Variants in ZMYM3 observed in about 807,000 individuals in gnomAD.
The protein encoded by ZMYM3 is zinc finger MYM-type containing 3.
Under a neutral mutation model 94.2 loss-of-function variants are expected in ZMYM3, and 6 were observed. That is an observed-to-expected ratio of 0.06 (90% CI 0.03 to 0.13). The LOEUF (loss-of-function observed/expected upper bound fraction) is 0.13, where lower values mean the gene tolerates loss of function less well. ZMYM3 is among the 10% of genes least tolerant of loss of function. ZMYM3 has a pLI of 1.00. For missense variants in ZMYM3, 664 were observed against 1,132.6 expected (o/e 0.59, Z 5.94); for synonymous variants, 420 against 426.5 (o/e 0.98, Z 0.19).
chrX:71,250,883 C>T, intron 4 of ZMYM3, among the ~76,000 whole-genome samples, 157 bp from the exon 5 acceptor site: 1 of 111,662 alleles, frequency 9.0e-6, no homozygotes. Flanking sequence ...TGGTGTCTCT[C>T]TCCCTTGGTT....
chrX:71,253,312 G>A (rs924486249), intron 1 of ZMYM3, 38 bp from the exon 2 acceptor site: 10 of 1,042,905 alleles, frequency 9.6e-6, no homozygotes, highest in Non-Finnish European at 1.3e-5. Context: ...AGTAGAGGTG[G>A]TCTTAGCCTG....
intron 15 of ZMYM3, 59 bp from the exon 16 acceptor site, chrX:71,246,157 C>A (rs905474506): frequency 2.6e-5 from 29 of 1,128,926 alleles, no homozygotes; most frequent in Middle Eastern, 4.9e-4. Context: ...ATCTGACCCA[C>A]CAAAAGCTCT....
intron 2 of ZMYM3, 103 bp downstream of exon 2, chrX:71,252,486 C>G (rs2030530776): frequency 4.7e-6 from 4 of 859,814 alleles, no homozygotes; most frequent in South Asian, 6.2e-5. Flanking sequence ...CTACACTTAT[C>G]TCTCCACCCT....
chrX:71,240,092 A>G lies in ZMYM3; in HGVS notation c.*824T>C, dbSNP rs1333086534. 1.8e-5 allele frequency: 2 copies of G among 112,044 alleles called. No homozygotes were observed. The highest frequency in any genetic ancestry group is 1.9e-4 in the Admixed American group (2 of 10,510). 9.2% of individuals were successfully genotyped at this position (112,044 alleles called of 1,213,427 possible). A position where few individuals can be genotyped will look rare whatever the true frequency, so the allele number is the denominator to read the frequency against. Reference sequence around the variant, plus strand: ...AGTTTTTGCCTTGGGAGGTCTGTCCATTGAACTAAAGGGAGGCAGTTACAG... The same window carrying G: ...AGTTTTTGCCTTGGGAGGTCTGTCCGTTGAACTAAAGGGAGGCAGTTACAG... On this transcript the variant is annotated 3_prime_UTR_variant, in exon 25 of 25. Coordinates refer to ENST00000314425, the MANE Select transcript of ZMYM3 (RefSeq NM_201599.3).
At chrX:71,247,662 C>T in intron 12 of ZMYM3, 72 bp downstream of exon 12, 11 of 1,161,498 alleles carry the variant, frequency 9.5e-6, no homozygotes, top group Middle Eastern at 3.3e-4. Context: ...GTCCACACCC[C>T]GAGCTCAGTA....
Position 71,247,459 on chromosome X carries a change from G to C in ZMYM3, c.2200C>G (p.His734Asp). 8.3e-7 allele frequency: 1 copy of C among 1,211,585 alleles called. No homozygotes were observed. The change falls in exon 13 of 25, where the codon CAC (histidine) becomes GAC (aspartate). Residue 734 changes from histidine to aspartate, a missense_variant. By Grantham distance (81) the His-to-Asp change is moderately conservative (BLOSUM62 -1). Around this residue, in one of 9 missense-constraint regions of ZMYM3, gnomAD observed 159 missense variants for 313.0 expected, o/e 0.51. Coordinates refer to ENST00000314425, the MANE Select transcript of ZMYM3 (RefSeq NM_201599.3). Reference sequence around the variant, plus strand: ...AAATGACGGATCTGCCCACGCCAGTGGATGGTCTCCAGCAGCTTCCCCTGG... The same window carrying C: ...AAATGACGGATCTGCCCACGCCAGTCGATGGTCTCCAGCAGCTTCCCCTGG... ...KRQGKLLETI[H>D]WRGQIRHFCN...
At position 71,239,900 on chromosome X, in the gene ZMYM3, AAG is replaced by A. The variant is rs2029887361; in HGVS notation, c.*1014_*1015del. ...CTGGGACCTCCAATGCAAGATGGGG[AAG>A]AGAGAAGATGTAGGCAGTGGCGGCA... On this transcript the variant is annotated 3_prime_UTR_variant, in exon 25 of 25. Transcript: ENST00000314425. 8.9e-6 allele frequency: 1 copy of A among 112,850 alleles called. No individual in the cohort carries two copies. The highest frequency in any genetic ancestry group is 1.9e-5 in the Non-Finnish European group (1 of 53,285). The allele number at this position is 112,850 out of a possible 1,213,427, so 9.3% of individuals were successfully genotyped here.
In ZMYM3 at chrX:71,244,774, G is replaced by A; in HGVS notation, c.3111+16C>T. ...CCTCCATTCTTCTTTTGTACATACA[G>A]TAGCCCCAGCCCTACCTTCCTCATG... On this transcript the variant is annotated intron_variant, in intron 19 of 24. Coordinates refer to ENST00000314425, the MANE Select transcript of ZMYM3 (RefSeq NM_201599.3). 1 of 1,177,712 alleles carries A rather than the reference G, an allele frequency of 8.5e-7. No individual in the cohort carries two copies. Among genetic ancestry groups the A allele is most frequent in the African/African-American group, 1.7e-5 (1 of 57,145 alleles).
At chrX:71,254,717 T>G (rs5981095), upstream of ZMYM3, 8,800 of 108,847 alleles carry the variant, frequency 0.081, 798 homozygotes, top group African/African-American at 0.27. Flanking sequence ...CCTCTCCGGG[T>G]CCCGCCCCCT....
rs776253265 is a variant in ZMYM3 at position 71,253,187 on chromosome X, G to A, written c.69C>T (p.Asp23=). 1.3e-5 allele frequency: 15 copies of A among 1,197,229 alleles called. No individual in the cohort carries two copies. Among genetic ancestry groups the A allele is most frequent in the Non-Finnish European group, 1.6e-5 (14 of 888,729 alleles). Residue 23 remains aspartate (D), a synonymous_variant, in exon 2 of 25, where the codon GAC becomes GAT. Coordinates refer to ENST00000314425, the MANE Select transcript of ZMYM3 (RefSeq NM_201599.3). Reference sequence around the variant, plus strand: ...CTCCAAATTCCATGTCTACTGGTAGGTCTCCAGCCAGGGGCTTCTCTGGCA... The same window carrying A: ...CTCCAAATTCCATGTCTACTGGTAGATCTCCAGCCAGGGGCTTCTCTGGCA... ...LTLPEKPLAG[D]LPVDMEFGED...
At chrX:71,247,603 G>T in intron 12 of ZMYM3, 93 bp from the exon 13 acceptor site, 1 of 1,143,555 alleles carries the variant, frequency 8.7e-7, no homozygotes. Context: ...TCCCCTTGGA[G>T]ATCGGGCCAG....
At chrX:71,254,148 A>AGCG (rs1360215703), upstream of ZMYM3, 1 of 111,937 alleles carries the variant, frequency 8.9e-6, no homozygotes, top group Non-Finnish European at 1.9e-5. Context: ...TTTAAATGGC[A>AGCG]GCGCCGCTCG....
Position 71,252,686 on chromosome X carries a change from C to A in ZMYM3, c.570G>T (p.Pro190=). Residue 190 remains proline, a synonymous_variant, in exon 2 of 25, where the codon CCG becomes CCT. Coordinates refer to ENST00000314425, the MANE Select transcript of ZMYM3 (RefSeq NM_201599.3). Reference sequence around the variant, plus strand: ...GAGTCTCTCCCACTGAAGGGCTAGGCGGGGCATTTGGGCTCTGTGGCTGCC... The same window carrying A: ...GAGTCTCTCCCACTGAAGGGCTAGGAGGGGCATTTGGGCTCTGTGGCTGCC... The part of the protein sequence containing the change: ...PQGQPQSPNA[P]PSPSVGETLG... 1 of 1,193,660 alleles carries A rather than the reference C, an allele frequency of 8.4e-7. No homozygotes were observed. Among genetic ancestry groups the A allele is most frequent in the Non-Finnish European group, 1.1e-6 (1 of 887,336 alleles).
chrX:71,242,128 C>A (rs1233648171), intron 23 of ZMYM3, 42 bp downstream of exon 23: 1 of 1,151,371 alleles, frequency 8.7e-7, no homozygotes. Flanking sequence ...AAGGGGAAGG[C>A]AGAGAAGGGG....
chrX:71,252,712 C>G lies in ZMYM3; in HGVS notation c.544G>C (p.Gly182Arg). ...GGGGCATTTGGGCTCTGTGGCTGCC[C>G]TTGGGGAAGCTCCTCCTCCTGCCCA... ...SPGQEEELPQ[G>R]QPQSPNAPPS... is the part of the protein sequence containing the mutation. Residue 182 changes from glycine (G) to arginine (R), a missense_variant, in exon 2 of 25, where the codon GGG becomes CGG. By Grantham distance (125) the Gly-to-Arg change is moderately radical. Around this residue, in one of 9 missense-constraint regions of ZMYM3, gnomAD observed 196 missense variants for 190.8 expected, o/e 1.03. Transcript: ENST00000314425. The G allele has an allele frequency of 1.7e-6, 2 of 1,204,927 alleles. No individual in the cohort carries two copies. Among genetic ancestry groups the G allele is most frequent in the South Asian group, 1.8e-5 (1 of 55,667 alleles).
chrX:71,253,717 A>C (rs897446346), intron 1 of ZMYM3, among the ~76,000 whole-genome samples: 8 of 8,626 alleles, frequency 9.3e-4, no homozygotes, highest in Admixed American at 1.6e-3. Flanking sequence ...GTCTTTACCC[A>C]CCCTGTCTGG....
chrX:71,245,880 A>T (rs2030145182), intron 16 of ZMYM3, 38 bp from the exon 17 acceptor site: 1 of 1,024,289 alleles, frequency 9.8e-7, no homozygotes, highest in South Asian at 1.9e-5. Context: ...CAAGAACCAC[A>T]CCAGCAGTTG....
Position 71,250,503 on chromosome X carries a change from G to A in ZMYM3, c.1002C>T (p.Phe334=), listed in dbSNP as rs1470116835. The change falls in exon 5 of 25, where the codon TTC becomes TTT. Residue 334 remains phenylalanine, a synonymous_variant. Coordinates refer to ENST00000314425, the MANE Select transcript of ZMYM3 (RefSeq NM_201599.3). ...AYQRKGLPQL[F]CSSSCLTTFS... is the part of the protein sequence containing the mutation. ...AAGTGGTGAGGCAGGATGACGAGCA[G>A]AAGAGCTGAGGCAGCCCCTTGCGCT... The A allele has an allele frequency of 1.7e-6, 2 of 1,211,601 alleles. No homozygotes were observed. The highest frequency in any genetic ancestry group is 2.2e-6 in the Non-Finnish European group (2 of 895,346).
At chrX:71,249,921 C>T in intron 6 of ZMYM3, 105 bp downstream of exon 6, 1 of 1,075,078 alleles carries the variant, frequency 9.3e-7, no homozygotes, top group Non-Finnish European at 1.2e-6. Context: ...CGCCTTTCCT[C>T]CCCACTCCCC....
Sources: gnomAD v4.1 joint callset for allele counts (sites outside exome capture counted in the v4.1 genomes callset) on GRCh38, gnomAD v4.1.1 for gene constraint, gnomAD v4.1.1 regional missense constraint, MANE v1.5 for transcripts, NCBI Gene and HGNC (gene_info 2026-07-23, HGNC 2026-07-21) for gene names.